Variants in AGBL4 observed in about 807,000 individuals in gnomAD.
The protein encoded by AGBL4 is cytosolic carboxypeptidase 6.
A neutral mutation model predicts 66.4 loss-of-function variants in AGBL4; 58 were observed. The observed-to-expected ratio is 0.87, with a 90% CI of 0.71 to 1.09. The LOEUF is 1.09. Ranked by LOEUF, AGBL4 falls within the 50% of genes least tolerant of loss-of-function variation. AGBL4 has a pLI of 0.00. For synonymous variants in AGBL4, 234 were observed against 222.9 expected (o/e 1.05, Z -0.44); for missense variants, 579 against 631.0 (o/e 0.92, Z 0.88).
intron 4 of AGBL4, among the ~76,000 whole-genome samples, chr1:49,085,899 C>T (rs974328480): frequency 6.6e-6 from 1 of 152,118 alleles, no homozygotes; most frequent in Non-Finnish European, 1.5e-5. Context: ...AAGGGGACCG[C>T]TACATGTTTT....
chr1:48,692,663 T>C (rs2148494590), intron 6 of AGBL4, among the ~76,000 whole-genome samples: 2 of 152,338 alleles, frequency 1.3e-5, no homozygotes, highest in African/African-American at 2.4e-5. Flanking sequence ...AGTCAGCTTG[T>C]CTATACAGGT....
In AGBL4 at chr1:48,861,105, A is replaced by G. The variant is rs77133250; in HGVS notation, c.634+6086T>C. ...AATTAGAAATCTTGGAAATGAAAAA[A>G]CATAGTCATTGAAATATTGAAAGAG... On this transcript the variant is annotated intron_variant, in intron 6 of 13. Transcript: ENST00000371839. 8.1e-4 allele frequency among the ~76,000 whole-genome samples: 123 copies of G among 152,334 alleles called. 5 individuals are homozygous for G. The East Asian group carries it at 0.02, about 25-fold the overall frequency.
At chr1:49,041,476 G>GTT (rs1643939847) in intron 5 of AGBL4, among the ~76,000 whole-genome samples, 1 of 152,014 alleles carries the variant, frequency 6.6e-6, no homozygotes, top group Non-Finnish European at 1.5e-5. Context: ...TGCTGCTTTG[G>GTT]ATAAGGTAAA....
intron 5 of AGBL4, among the ~76,000 whole-genome samples, chr1:48,996,954 G>T (rs1024582775): frequency 6.6e-6 from 1 of 152,008 alleles, no homozygotes; most frequent in African/African-American, 2.4e-5. Flanking sequence ...ATGGAGTCTT[G>T]CTCTGTCACA....
intron 1 of AGBL4, among the ~76,000 whole-genome samples, chr1:49,934,961 G>C (rs1653789620): frequency 6.6e-6 from 1 of 152,224 alleles, no homozygotes; most frequent in African/African-American, 2.4e-5. Flanking sequence ...CATCTCACTA[G>C]GGAGTGCCAG....
intron 3 of AGBL4, among the ~76,000 whole-genome samples, chr1:49,276,341 T>C (rs1644167816): frequency 6.6e-6 from 1 of 152,070 alleles, no homozygotes; most frequent in Non-Finnish European, 1.5e-5. Context: ...AAACCAAAAC[T>C]CTCCAAAACT....
intron 3 of AGBL4, among the ~76,000 whole-genome samples, chr1:49,435,485 T>C (rs1645884858): frequency 6.6e-6 from 1 of 152,134 alleles, no homozygotes; most frequent in Non-Finnish European, 1.5e-5. Flanking sequence ...ATGGCCACAG[T>C]GGTGATGATT....
intron 1 of AGBL4, among the ~76,000 whole-genome samples, chr1:49,953,899 T>C (rs1028219262): frequency 5.9e-5 from 9 of 152,020 alleles, no homozygotes; most frequent in South Asian, 2.1e-4. Context: ...TATTTATTTA[T>C]TTACTTACTT....
chr1:49,483,548 A>G (rs1456550537), intron 3 of AGBL4, among the ~76,000 whole-genome samples: 3 of 152,004 alleles, frequency 2.0e-5, no homozygotes, highest in Non-Finnish European at 2.9e-5. Flanking sequence ...GGATATCCAT[A>G]TGGAAAAGAA....
At chr1:49,463,576 C>T (rs1339521973) in intron 3 of AGBL4, among the ~76,000 whole-genome samples, 1 of 151,728 alleles carries the variant, frequency 6.6e-6, no homozygotes, top group Non-Finnish European at 1.5e-5. Flanking sequence ...CTGCTACTTT[C>T]TGAGGCTTTC....
intron 3 of AGBL4, among the ~76,000 whole-genome samples, chr1:49,293,617 T>G (rs1034289468): frequency 1.3e-5 from 2 of 152,248 alleles, no homozygotes; most frequent in African/African-American, 4.8e-5. Context: ...TAATGTCTCT[T>G]TGAGCACTAA....
intron 5 of AGBL4, among the ~76,000 whole-genome samples, chr1:49,027,745 C>G (rs1037332281): frequency 1.3e-5 from 2 of 152,116 alleles, no homozygotes; most frequent in African/African-American, 2.4e-5. Flanking sequence ...TTCCTTCCCC[C>G]ACCAGACCTT....
intron 8 of AGBL4, among the ~76,000 whole-genome samples, chr1:48,647,950 A>G (rs319952): frequency 0.5 from 76,194 of 151,944 alleles, 20,295 homozygotes; most frequent in Middle Eastern, 0.66. Flanking sequence ...AAGTTACAAT[A>G]TTCATCCCTC....
At chr1:48,726,006 A>C (rs1482415212) in intron 6 of AGBL4, among the ~76,000 whole-genome samples, 1 of 152,150 alleles carries the variant, frequency 6.6e-6, no homozygotes, top group Non-Finnish European at 1.5e-5. Flanking sequence ...TCTCCACAAC[A>C]ACCCTGAATT....
chr1:49,666,281 C>G (rs1258641618), intron 3 of AGBL4, among the ~76,000 whole-genome samples: 1 of 152,126 alleles, frequency 6.6e-6, no homozygotes, highest in Non-Finnish European at 1.5e-5. Flanking sequence ...AATGGCTTTA[C>G]AGGCCAGGCA....
downstream of AGBL4, among the ~76,000 whole-genome samples, chr1:48,532,582 C>T (rs540963633): frequency 9.9e-5 from 15 of 152,276 alleles, no homozygotes; most frequent in African/African-American, 3.4e-4. Context: ...ATGCAATCTG[C>T]CTCTTTTCAT....
At chr1:48,757,921 G>A (rs537200276) in intron 6 of AGBL4, among the ~76,000 whole-genome samples, 1 of 152,208 alleles carries the variant, frequency 6.6e-6, no homozygotes, top group South Asian at 2.1e-4. Flanking sequence ...GTGTTATACC[G>A]ATTTCCTCAA....
chr1:48,896,828 C>T (rs1268170832), intron 5 of AGBL4, among the ~76,000 whole-genome samples: 4 of 151,504 alleles, frequency 2.6e-5, no homozygotes. Flanking sequence ...CAAACTAATA[C>T]TTGAAAAAAA....
At chr1:49,322,132 A>G (rs2148477564) in intron 3 of AGBL4, among the ~76,000 whole-genome samples, 1 of 152,354 alleles carries the variant, frequency 6.6e-6, no homozygotes, top group South Asian at 2.1e-4. Context: ...TGATTAATGA[A>G]AAATAATTAA....
Sources: allele counts gnomAD v4.1 joint callset (sites outside exome capture counted in the v4.1 genomes callset), GRCh38; gene constraint gnomAD v4.1.1; transcripts MANE v1.5; gene names NCBI Gene and HGNC (gene_info 2026-07-23, HGNC 2026-07-21).